CTXND2: variants seen among roughly 807,000 people sequenced by gnomAD.
The protein encoded by CTXND2 is cortexin domain containing 2.
At chr1:150,902,441 G>A (rs1290403783) in intron 1 of CTXND2, among the ~76,000 whole-genome samples, 3 of 151,708 alleles carry the variant, frequency 2.0e-5, no homozygotes, top group Admixed American at 6.6e-5. Flanking sequence ...GGTGGCACAC[G>A]CCTGTAATCT....
intron 1 of CTXND2, 79 bp from the exon 2 acceptor site, chr1:150,912,162 CT>C (rs1351032599): frequency 3.5e-5 from 14 of 395,968 alleles, no homozygotes; most frequent in Non-Finnish European, 5.3e-5. Context: ...CCCTTGGTCC[CT>C]TTTTGGTTTT....
chr1:150,893,300 CT>C (rs1447003380), intron 1 of CTXND2, among the ~76,000 whole-genome samples: 11 of 152,186 alleles, frequency 7.2e-5, no homozygotes, highest in Non-Finnish European at 1.5e-4. Flanking sequence ...TTGTTTTCTT[CT>C]TTTTCAATCC....
intron 1 of CTXND2, among the ~76,000 whole-genome samples, chr1:150,896,826 T>C (rs1668919161): frequency 6.6e-6 from 1 of 152,154 alleles, no homozygotes. Context: ...TGATCCCTAC[T>C]CTCATAAAGG....
chr1:150,893,551 G>A (rs780758832), intron 1 of CTXND2, among the ~76,000 whole-genome samples: 9 of 152,008 alleles, frequency 5.9e-5, no homozygotes, highest in South Asian at 4.1e-4. Flanking sequence ...CTTGATCTCC[G>A]GGCTTCAAGT....
At chr1:150,894,787 G>A (rs1668892035) in intron 1 of CTXND2, among the ~76,000 whole-genome samples, 1 of 152,088 alleles carries the variant, frequency 6.6e-6, no homozygotes. Context: ...TGTAATCCCA[G>A]CATTTTGGGA....
intron 1 of CTXND2, among the ~76,000 whole-genome samples, chr1:150,900,678 A>G (rs1347873053): frequency 6.6e-6 from 1 of 152,118 alleles, no homozygotes; most frequent in Non-Finnish European, 1.5e-5. Context: ...CCTGACGAAT[A>G]GTGAGAAAAT....
intron 1 of CTXND2, among the ~76,000 whole-genome samples, chr1:150,888,491 TACAGGGGTGAGCC>T (rs1485028043): frequency 6.6e-6 from 1 of 151,920 alleles, no homozygotes; most frequent in East Asian, 1.9e-4. Context: ...GTGTTGGGAT[TACAGGGGTGAGCC>T]ACTGCACCTG....
intron 1 of CTXND2, among the ~76,000 whole-genome samples, chr1:150,903,058 G>A (rs1422059163): frequency 1.3e-5 from 2 of 152,058 alleles, no homozygotes; most frequent in Non-Finnish European, 2.9e-5. Context: ...GGAACATAGG[G>A]CTCCTGCTAT....
chr1:150,901,217 C>G (rs587692067), intron 1 of CTXND2, among the ~76,000 whole-genome samples: 1 of 152,144 alleles, frequency 6.6e-6, no homozygotes, highest in Non-Finnish European at 1.5e-5. Context: ...TCTTTGGAAG[C>G]TACAAAACAT....
chr1:150,909,237 C>CA (rs374506106), intron 1 of CTXND2, among the ~76,000 whole-genome samples: 34,438 of 81,762 alleles, frequency 0.42, 6,423 homozygotes, highest in South Asian at 0.56. Context: ...GACTCCTTCT[C>CA]AAAAAAAAAA....
At chr1:150,901,381 T>C (rs975949404) in intron 1 of CTXND2, among the ~76,000 whole-genome samples, 1 of 152,106 alleles carries the variant, frequency 6.6e-6, no homozygotes, top group Non-Finnish European at 1.5e-5. Context: ...GATTTGTTTA[T>C]AAAAACTGAC....
At chr1:150,889,031 C>T (rs865958361) in intron 1 of CTXND2, among the ~76,000 whole-genome samples, 2 of 152,078 alleles carry the variant, frequency 1.3e-5, no homozygotes, top group Non-Finnish European at 1.5e-5. Flanking sequence ...GAATTCCAGT[C>T]CCACATTTTA....
chr1:150,892,784 C>T (rs587625992), intron 1 of CTXND2, among the ~76,000 whole-genome samples: 1 of 152,210 alleles, frequency 6.6e-6, no homozygotes, highest in South Asian at 2.1e-4. Flanking sequence ...GGAGATCTGT[C>T]AGCCTCAACC....
exon 2 of CTXND2, chr1:150,912,697 T>G: frequency 2.7e-6 from 1 of 371,378 alleles, no homozygotes; most frequent in Non-Finnish European, 4.8e-6. Flanking sequence ...GCCATAGATT[T>G]TAATTCTTCA....
intron 1 of CTXND2, among the ~76,000 whole-genome samples, chr1:150,899,101 TAAA>T (rs1668957884): frequency 2.6e-5 from 2 of 78,228 alleles, no homozygotes; most frequent in African/African-American, 1.1e-4. Context: ...CCGTCTCAAA[TAAA>T]TAAATAAATA....
chr1:150,903,161 T>A (rs1245513974), intron 1 of CTXND2, among the ~76,000 whole-genome samples: 1 of 152,132 alleles, frequency 6.6e-6, no homozygotes, highest in African/African-American at 2.4e-5. Flanking sequence ...GTTCTGCCAA[T>A]CCCTATGTTT....
At chr1:150,904,094 G>A (rs969941313) in intron 1 of CTXND2, 1 of 664,402 alleles carries the variant, frequency 1.5e-6, no homozygotes, top group East Asian at 3.2e-5. Flanking sequence ...TACGCTGATG[G>A]AGTATTTGGA....
chr1:150,893,609 C>G (rs1202521586), intron 1 of CTXND2, among the ~76,000 whole-genome samples: 1 of 152,148 alleles, frequency 6.6e-6, no homozygotes. Context: ...CAGACATGCA[C>G]CATCTTGCCT....
intron 1 of CTXND2, among the ~76,000 whole-genome samples, chr1:150,898,679 C>T (rs1175911257): frequency 2.6e-5 from 4 of 151,158 alleles, no homozygotes; most frequent in Admixed American, 2.6e-4. Context: ...TTGCTCGAAC[C>T]CAGGAGGCAG....
Sources: gnomAD v4.1 joint callset for allele counts (sites outside exome capture counted in the v4.1 genomes callset) on GRCh38, gnomAD v4.1.1 for gene constraint, MANE v1.5 for transcripts, NCBI Gene and HGNC (gene_info 2026-07-23, HGNC 2026-07-21) for gene names.